PIK3CB: variants seen among roughly 807,000 people sequenced by gnomAD.
PIK3CB encodes phosphatidylinositol 4,5-bisphosphate 3-kinase catalytic subunit beta isoform.
In PIK3CB, 39 loss-of-function variants were observed where a neutral mutation model predicts 136.8. That is an observed-to-expected ratio of 0.29 (90% CI 0.22 to 0.37). PIK3CB has a LOEUF of 0.37. PIK3CB is among the 10% of genes least tolerant of loss of function. The probability of loss-of-function intolerance (pLI) is 1.00; values close to 1 mark genes in which losing one functional copy is unlikely to be tolerated. For missense variants in PIK3CB, 868 were observed against 1,275.4 expected (o/e 0.68, Z 4.87); for synonymous variants, 428 against 436.6 (o/e 0.98, Z 0.25).
At chr3:138,827,503 A>T (rs557545482) in intron 1 of PIK3CB, among the ~76,000 whole-genome samples, 10 of 146,710 alleles carry the variant, frequency 6.8e-5, no homozygotes, top group African/African-American at 1.0e-4. Context: ...TACCTAAGAA[A>T]TTTTTTTTTT....
At chr3:138,690,213 A>G (rs2043978530) in intron 15 of PIK3CB, among the ~76,000 whole-genome samples, 1 of 151,932 alleles carries the variant, frequency 6.6e-6, no homozygotes, top group Non-Finnish European at 1.5e-5. Flanking sequence ...ATTGCCTTTG[A>G]GAAGCTCAGC....
chr3:138,808,996 C>T (rs1454771387), intron 1 of PIK3CB, among the ~76,000 whole-genome samples: 1 of 151,932 alleles, frequency 6.6e-6, no homozygotes, highest in Non-Finnish European at 1.5e-5. Flanking sequence ...TTAAAACCTA[C>T]AACTTCTGGC....
At position 138,655,127 on chromosome 3, in the gene PIK3CB, T is replaced by C. The variant is rs1473321750; in HGVS notation, c.*262A>G. The C allele has an allele frequency of 2.3e-6, 1 of 435,808 alleles. No homozygotes were observed. Among genetic ancestry groups the C allele is most frequent in the South Asian group, 3.9e-5 (1 of 25,496 alleles). 27.0% of individuals were successfully genotyped at this position (435,808 alleles called of 1,614,324 possible). A position where few individuals can be genotyped will look rare whatever the true frequency, so the allele number is the denominator to read the frequency against. ...AAAACGGAAACAATCCCTAGTAGCA[T>C]TCCTTGGCGTGCAAAGTCAGCAGGA... On this transcript the variant is annotated 3_prime_UTR_variant, in exon 24 of 24. Coordinates refer to ENST00000674063, the MANE Select transcript of PIK3CB (RefSeq NM_006219.3).
At chr3:138,674,117 T>C (rs1277424644) in intron 19 of PIK3CB, among the ~76,000 whole-genome samples, 3 of 151,558 alleles carry the variant, frequency 2.0e-5, no homozygotes, top group Non-Finnish European at 4.4e-5. Flanking sequence ...GGTAGGTAAT[T>C]ACATGTCCAT....
At chr3:138,797,803 T>A (rs1188762962) in intron 1 of PIK3CB, among the ~76,000 whole-genome samples, 1 of 151,898 alleles carries the variant, frequency 6.6e-6, no homozygotes, top group African/African-American at 2.4e-5. Context: ...AAAAATAAAA[T>A]CCAGGGCCAG....
intron 1 of PIK3CB, among the ~76,000 whole-genome samples, chr3:138,805,798 C>T (rs1285258800): frequency 3.3e-5 from 5 of 151,804 alleles, no homozygotes; most frequent in African/African-American, 2.4e-5. Context: ...GGCGCAATCT[C>T]GGCTCACTGA....
chr3:138,678,228 T>C (rs1346142183), intron 19 of PIK3CB, among the ~76,000 whole-genome samples: 3 of 151,936 alleles, frequency 2.0e-5, no homozygotes, highest in African/African-American at 4.8e-5. Flanking sequence ...TTTGTGACTG[T>C]AGTGAGCTAT....
chr3:138,820,700 G>T (rs1281816238), intron 1 of PIK3CB, among the ~76,000 whole-genome samples: 1 of 152,086 alleles, frequency 6.6e-6, no homozygotes, highest in Non-Finnish European at 1.5e-5. Flanking sequence ...CACCATGTTG[G>T]CCAGGCTAGT....
intron 21 of PIK3CB, among the ~76,000 whole-genome samples, chr3:138,658,748 C>A (rs2043234616): frequency 6.6e-6 from 1 of 152,190 alleles, no homozygotes; most frequent in African/African-American, 2.4e-5. Context: ...CACATGTTCA[C>A]CTTTTTTCCT....
intron 12 of PIK3CB, among the ~76,000 whole-genome samples, chr3:138,701,444 T>C (rs2044250280): frequency 6.6e-6 from 1 of 152,108 alleles, no homozygotes; most frequent in Admixed American, 6.6e-5. Context: ...TCAGGTTATG[T>C]ATAAAAATGC....
chr3:138,748,622 A>ATCAT (rs2045409466), intron 4 of PIK3CB, among the ~76,000 whole-genome samples: 1 of 152,240 alleles, frequency 6.6e-6, no homozygotes, highest in Admixed American at 6.5e-5. Context: ...ACATCCATGT[A>ATCAT]TCATTATACA....
chr3:138,746,502 T>C (rs1268890352), intron 4 of PIK3CB, among the ~76,000 whole-genome samples: 1 of 151,410 alleles, frequency 6.6e-6, no homozygotes, highest in African/African-American at 2.4e-5. Flanking sequence ...CTACTAAAAA[T>C]ACAAAAAAAT....
At chr3:138,765,066 C>A (rs2045714588) in intron 2 of PIK3CB, among the ~76,000 whole-genome samples, 2 of 152,132 alleles carry the variant, frequency 1.3e-5, no homozygotes, top group Non-Finnish European at 2.9e-5. Flanking sequence ...GTGGCTCCCG[C>A]CTATAATCCC....
At chr3:138,820,472 T>C (rs1381497087) in intron 1 of PIK3CB, among the ~76,000 whole-genome samples, 1 of 152,206 alleles carries the variant, frequency 6.6e-6, no homozygotes, top group Non-Finnish European at 1.5e-5. Flanking sequence ...TCCACATCAG[T>C]ACATAAACAC....
At chr3:138,788,985 A>C (rs1340437319) in intron 2 of PIK3CB, among the ~76,000 whole-genome samples, 31 of 149,998 alleles carry the variant, frequency 2.1e-4, no homozygotes, top group Non-Finnish European at 3.0e-4. Flanking sequence ...AAAAAAAAAA[A>C]AAAAAAACAA....
At chr3:138,756,282 G>A (rs2108723969) in intron 3 of PIK3CB, among the ~76,000 whole-genome samples, 1 of 152,228 alleles carries the variant, frequency 6.6e-6, no homozygotes, top group Non-Finnish European at 1.5e-5. Flanking sequence ...TCCCATGTTT[G>A]TAGGGTAATA....
chr3:138,748,156 T>TACACAC (rs3071146), intron 4 of PIK3CB, among the ~76,000 whole-genome samples: 2,714 of 142,946 alleles, frequency 0.019, 32 homozygotes, highest in Middle Eastern at 0.028. Flanking sequence ...TTAGAAATCA[T>TACACAC]ACACACACAC....
intron 8 of PIK3CB, among the ~76,000 whole-genome samples, chr3:138,725,511 G>A (rs2044818541): frequency 6.6e-6 from 1 of 152,110 alleles, no homozygotes; most frequent in South Asian, 2.1e-4. Context: ...GGTTCCTGGG[G>A]CTCTATCGAA....
At chr3:138,729,133 T>C (rs1156963735) in intron 8 of PIK3CB, among the ~76,000 whole-genome samples, 1 of 152,000 alleles carries the variant, frequency 6.6e-6, no homozygotes, top group Admixed American at 6.5e-5. Context: ...ATACAAAAAT[T>C]AGCTGGGTGT....
Sources: gnomAD v4.1 joint callset for allele counts (sites outside exome capture counted in the v4.1 genomes callset) on GRCh38, gnomAD v4.1.1 for gene constraint, MANE v1.5 for transcripts, NCBI Gene and HGNC (gene_info 2026-07-23, HGNC 2026-07-21) for gene names.